Variants in AAGAB observed in about 807,000 individuals in gnomAD.
The protein encoded by AAGAB is alpha and gamma adaptin binding protein, also known as alpha- and gamma-adaptin-binding protein p34.
AAGAB carries 38 observed loss-of-function variants against 44.1 expected under a neutral mutation model. The ratio of observed to expected loss-of-function variants is 0.86; its 90% CI spans 0.67 to 1.13. The LOEUF (loss-of-function observed/expected upper bound fraction) is 1.13, where lower values mean the gene tolerates loss of function less well. AAGAB is among the 50% of genes most tolerant of loss of function. The pLI is 0.00. For synonymous variants in AAGAB, 131 were observed against 131.8 expected, an observed-to-expected ratio of 0.99 and a Z score of 0.04; for missense variants, 450 against 373.8, an observed-to-expected ratio of 1.20 and a Z score of -1.68.
At chr15:67,231,568 C>G (rs1347827468) in intron 5 of AAGAB, among the ~76,000 whole-genome samples, 2 of 152,150 alleles carry the variant, frequency 1.3e-5, no homozygotes, top group African/African-American at 4.8e-5. Context: ...TTTGGAGGTA[C>G]TTCTCAAAGC....
chr15:67,254,952 G>C (rs1301903967), upstream of AAGAB: 2 of 1,612,952 alleles, frequency 1.2e-6, no homozygotes, highest in South Asian at 2.2e-5. Flanking sequence ...ATCCAGGTGG[G>C]AAACGGGCTT....
chr15:67,222,240 G>A (rs12901064), intron 5 of AAGAB, among the ~76,000 whole-genome samples: 1,676 of 88,098 alleles, frequency 0.019, 17 homozygotes, highest in African/African-American at 0.03. Context: ...ACGCGCGCGC[G>A]CGCACACACA....
intron 5 of AAGAB, among the ~76,000 whole-genome samples, chr15:67,222,242 G>GCGCGCGCACACACACACA (rs1367738219): frequency 4.4e-5 from 4 of 90,122 alleles, no homozygotes; most frequent in East Asian, 1.2e-3. Context: ...GCGCGCGCGC[G>GCGCGCGCACACACACACA]CACACACACA....
At chr15:67,252,003 C>T (rs1246000967) in intron 1 of AAGAB, among the ~76,000 whole-genome samples, 2 of 152,148 alleles carry the variant, frequency 1.3e-5, no homozygotes, top group African/African-American at 4.8e-5. Flanking sequence ...TTTTTTACTA[C>T]ACGACAGTAA....
At chr15:67,252,240 C>T (rs930254256) in intron 1 of AAGAB, among the ~76,000 whole-genome samples, 3 of 152,150 alleles carry the variant, frequency 2.0e-5, no homozygotes, top group African/African-American at 7.2e-5. Context: ...CACAACAGAG[C>T]ACCATAGCAT....
chr15:67,223,526 T>C (rs1964130021), intron 5 of AAGAB, among the ~76,000 whole-genome samples: 1 of 152,180 alleles, frequency 6.6e-6, no homozygotes, highest in South Asian at 2.1e-4. Context: ...ACAATATACC[T>C]AGAATTCGAC....
chr15:67,254,648 C>T lies in AAGAB; in HGVS notation c.-17G>A, dbSNP rs1249094783. 3.7e-6 allele frequency: 6 copies of T among 1,600,018 alleles called. No individual in the cohort carries two copies. Among genetic ancestry groups the T allele is most frequent in the African/African-American group, 1.3e-5 (1 of 74,678 alleles). ...AGCAGCCATAGCTGCGCTCGCGAGC[C>T]GGTTCCGTCAGGCAGCCGCTTCCGC... On this transcript the variant is annotated 5_prime_UTR_variant, in exon 1 of 10. Transcript: ENST00000261880.
At chr15:67,250,632 T>A (rs1964840899) in intron 1 of AAGAB, among the ~76,000 whole-genome samples, 1 of 152,158 alleles carries the variant, frequency 6.6e-6, no homozygotes, top group Non-Finnish European at 1.5e-5. Context: ...TTGTAAAATA[T>A]ATGTGAGGTG....
At chr15:67,223,946 A>T (rs1381246457) in intron 5 of AAGAB, among the ~76,000 whole-genome samples, 1 of 152,118 alleles carries the variant, frequency 6.6e-6, no homozygotes, top group Non-Finnish European at 1.5e-5. Flanking sequence ...ATGGTGAAAC[A>T]CCTCATCTCC....
chr15:67,234,608 A>T (rs1264165730), intron 4 of AAGAB, among the ~76,000 whole-genome samples: 2 of 152,234 alleles, frequency 1.3e-5, no homozygotes. Context: ...CATATCAAAA[A>T]ACCCATTTTA....
chr15:67,254,515 G>T, intron 1 of AAGAB, 44 bp downstream of exon 1: 1 of 1,559,092 alleles, frequency 6.4e-7, no homozygotes. Flanking sequence ...CGCCCGCTGA[G>T]GCTCAGGGGC....
chr15:67,222,242 G>GCGCGCGCGCGCGCGCGCA (rs1367738219), intron 5 of AAGAB, among the ~76,000 whole-genome samples: 1 of 90,044 alleles, frequency 1.1e-5, no homozygotes, highest in African/African-American at 3.8e-5. Flanking sequence ...GCGCGCGCGC[G>GCGCGCGCGCGCGCGCGCA]CACACACACA....
In AAGAB at chr15:67,222,282, A is replaced by ACAC. The variant is rs796412643; in HGVS notation, c.535+9531_535+9532insGTG. Among the ~76,000 whole-genome samples the ACAC allele has an allele frequency of 5.7e-5, 8 of 139,930 alleles. No individual in the cohort carries two copies. In the East Asian group the frequency reaches 1.1e-3, roughly 20 times the overall value. 91.8% of individuals were successfully genotyped at this position (139,930 alleles called of 152,430 possible). Reference sequence around the variant, plus strand: ...CACACACACACACACACACACACACACCCTCCACCCATGCTGCCTGACTTT... The same window carrying ACAC: ...CACACACACACACACACACACACACACACCCCTCCACCCATGCTGCCTGACTTT... On this transcript the variant is annotated intron_variant, in intron 5 of 9. Transcript: ENST00000261880.
chr15:67,236,448 AG>A lies in AAGAB; in HGVS notation c.320del (p.Pro107LeufsTer3). 6.2e-7 allele frequency: 1 copy of A among 1,614,164 alleles called. No individual in the cohort carries two copies. Among genetic ancestry groups the A allele is most frequent in the Non-Finnish European group, 8.5e-7 (1 of 1,180,002 alleles). ...TATCGCAGACCAAGATCATCACCTCAGGTAACCATGCTTTTGCCAGTGGAAG... is the reference window on the plus strand; with the variant it reads ...TATCGCAGACCAAGATCATCACCTCAGTAACCATGCTTTTGCCAGTGGAAG... ...SWLPLAKAWL[P>X]EVMILVCDRV... is the part of the protein sequence containing the mutation. On this transcript the variant is annotated frameshift_variant, in exon 3 of 10. Coordinates refer to ENST00000261880, the MANE Select transcript of AAGAB (RefSeq NM_024666.5). LOFTEE classifies it high-confidence loss of function.
At chr15:67,239,956 G>A (rs1038458700) in intron 1 of AAGAB, among the ~76,000 whole-genome samples, 1 of 152,194 alleles carries the variant, frequency 6.6e-6, no homozygotes, top group Admixed American at 6.5e-5. Flanking sequence ...GAAAAAAGAA[G>A]CCACTTGCCT....
At chr15:67,222,238 GCGCGCACACACA>G (rs1408297381) in intron 5 of AAGAB, among the ~76,000 whole-genome samples, 106 of 45,830 alleles carry the variant, frequency 2.3e-3, no homozygotes, top group South Asian at 0.018. Flanking sequence ...GCACGCGCGC[GCGCGCACACACA>G]CACACACACA....
Position 67,209,494 on chromosome 15 carries a change from T to A in AAGAB, c.586A>T (p.Ser196Cys), listed in dbSNP as rs201808670. The change falls in exon 6 of 10, where the codon AGC becomes TGC. Residue 196 changes from serine to cysteine, a missense_variant. Transcript: ENST00000261880. ...LLNSLTGTNHSIGSADPCHPE... is the reference protein window; with the variant it reads ...LLNSLTGTNHCIGSADPCHPE... ...TGACAGGGATCTGCTGACCCAATGC[T>A]ATGGTTTGTTCCAGTCAATGAGTTG... 6.2e-6 allele frequency: 10 copies of A among 1,614,192 alleles called. No individual in the cohort carries two copies. The highest frequency in any genetic ancestry group is 1.7e-5 in the Admixed American group (1 of 60,030).
intron 1 of AAGAB, among the ~76,000 whole-genome samples, chr15:67,249,427 C>T (rs1964808764): frequency 6.6e-6 from 1 of 152,022 alleles, no homozygotes; most frequent in South Asian, 2.1e-4. Context: ...TAAGAATCAC[C>T]AATACATAGC....
chr15:67,234,231 C>A (rs959215620), intron 4 of AAGAB, among the ~76,000 whole-genome samples: 1 of 151,846 alleles, frequency 6.6e-6, no homozygotes. Context: ...CCAGCCTGGG[C>A]AACAGAGAGA....
Sources: gnomAD v4.1 joint callset for allele counts (sites outside exome capture counted in the v4.1 genomes callset) on GRCh38, gnomAD v4.1.1 for gene constraint, MANE v1.5 for transcripts, NCBI Gene and HGNC (gene_info 2026-07-23, HGNC 2026-07-21) for gene names.